Variants in CMIP observed in about 807,000 individuals in gnomAD.
CMIP encodes C-Maf-inducing protein.
A neutral mutation model predicts 97.3 loss-of-function variants in CMIP; 13 were observed. The ratio of observed to expected loss-of-function variants is 0.13; its 90% CI spans 0.09 to 0.21. CMIP has a LOEUF of 0.21. Ranked by LOEUF, CMIP falls within the 10% of genes least tolerant of loss-of-function variation. CMIP has a pLI of 1.00. For missense variants in CMIP, 847 were observed against 1,024.9 expected, an observed-to-expected ratio of 0.83 and a Z score of 2.37; for synonymous variants, 538 against 436.3, an observed-to-expected ratio of 1.23 and a Z score of -2.91.
In CMIP at chr16:81,586,306, C is replaced by T. The variant is rs556647335; in HGVS notation, c.301-21261C>T. Among the ~76,000 whole-genome samples, 11 of 152,194 alleles carry T rather than the reference C, an allele frequency of 7.2e-5. No homozygotes were observed. In the East Asian group the frequency reaches 1.5e-3, roughly 21 times the overall value. The stretch of plus-strand genomic sequence containing the variant: ...ATAACACAGTTTACTGTAGTAGAGG[C>T]GTGATGCATCTCTTCTTGCATTGGA... On this transcript the variant is annotated intron_variant, in intron 1 of 20. Transcript: ENST00000537098.
At chr16:81,518,833 C>CTCT (rs1246871426) in intron 1 of CMIP, 1 of 116,514 alleles carries the variant, frequency 8.6e-6, no homozygotes, top group Admixed American at 1.0e-4. Flanking sequence ...ACCTGCATCT[C>CTCT]TATTTTTTTT....
At chr16:81,582,111 C>G (rs944857585) in intron 1 of CMIP, among the ~76,000 whole-genome samples, 1 of 152,118 alleles carries the variant, frequency 6.6e-6, no homozygotes, top group Admixed American at 6.5e-5. Flanking sequence ...AACTCACTAT[C>G]ACGCCAACAA....
intron 11 of CMIP, 84 bp downstream of exon 11, chr16:81,691,924 C>A: frequency 1.7e-6 from 2 of 1,204,100 alleles, no homozygotes; most frequent in South Asian, 2.5e-5. Flanking sequence ...GGGGGCCAGT[C>A]ATGTTATGGG....
intron 3 of CMIP, among the ~76,000 whole-genome samples, chr16:81,651,642 G>T (rs1405185738): frequency 3.9e-5 from 6 of 152,210 alleles, no homozygotes; most frequent in Non-Finnish European, 8.8e-5. Context: ...AAGCCCCTTT[G>T]TGGACTGACC....
chr16:81,571,587 CAAAAAAAA>C (rs397854647), intron 1 of CMIP, among the ~76,000 whole-genome samples: 24 of 87,478 alleles, frequency 2.7e-4, no homozygotes, highest in Admixed American at 1.1e-3. Context: ...TCATCTCTAC[CAAAAAAAA>C]AAAAAAAAAA....
At chr16:81,579,196 T>A (rs2091253999) in intron 1 of CMIP, among the ~76,000 whole-genome samples, 1 of 152,194 alleles carries the variant, frequency 6.6e-6, no homozygotes, top group African/African-American at 2.4e-5. Flanking sequence ...AAGGGGTTAC[T>A]TCTTAACAAT....
At position 81,614,179 on chromosome 16, in the gene CMIP, G is replaced by T. The variant is rs1462036702; in HGVS notation, c.426+6487G>T. ...TCCAGCGGGCAGCGGAGAGAAGGGG[G>T]TGACAGCAGAATGTTCCTGGTGGGG... On this transcript the variant is annotated intron_variant, in intron 2 of 20. Transcript: ENST00000537098. This position sits in a 1 kb window ranked among gnomAD's most constrained non-coding sequence, Gnocchi z 5.3. 6.6e-6 allele frequency among the ~76,000 whole-genome samples: 1 copy of T among 152,180 alleles called. No individual in the cohort carries two copies. The highest frequency in any genetic ancestry group is 1.5e-5 in the Non-Finnish European group (1 of 68,028).
intron 10 of CMIP, among the ~76,000 whole-genome samples, chr16:81,687,894 C>T (rs1905590338): frequency 6.6e-6 from 1 of 152,188 alleles, no homozygotes; most frequent in African/African-American, 2.4e-5. Context: ...GTATCACAGC[C>T]CTGTGGTCAC....
At chr16:81,482,625 C>A (rs571958489) in intron 1 of CMIP, among the ~76,000 whole-genome samples, 1 of 152,288 alleles carries the variant, frequency 6.6e-6, no homozygotes, top group Admixed American at 6.5e-5. Flanking sequence ...CCCTGCCCCT[C>A]CCCCACCTAG....
intron 1 of CMIP, among the ~76,000 whole-genome samples, chr16:81,535,958 A>G (rs922600911): frequency 2.6e-5 from 4 of 152,148 alleles, no homozygotes; most frequent in Non-Finnish European, 5.9e-5. Context: ...CCTCCCAGAG[A>G]GAGTCGTGTC....
chr16:81,468,718 G>C (rs1298352549), intron 1 of CMIP, among the ~76,000 whole-genome samples: 1 of 152,260 alleles, frequency 6.6e-6, no homozygotes, highest in East Asian at 1.9e-4. Flanking sequence ...GCACTCGTGG[G>C]AAGCAGCAGG....
chr16:81,456,687 T>G (rs1567524947), intron 1 of CMIP, among the ~76,000 whole-genome samples: 1 of 152,082 alleles, frequency 6.6e-6, no homozygotes, highest in East Asian at 1.9e-4. Flanking sequence ...GGAGCGAGGA[T>G]TTGACCCCAG....
intron 1 of CMIP, among the ~76,000 whole-genome samples, chr16:81,589,047 C>T (rs187015279): frequency 2.6e-4 from 39 of 152,092 alleles, no homozygotes; most frequent in African/African-American, 7.7e-4. Flanking sequence ...AAACATATTC[C>T]GGTGCTCAGA....
chr16:81,533,035 G>C (rs2925983), intron 1 of CMIP, among the ~76,000 whole-genome samples: 50,551 of 151,958 alleles, frequency 0.33, 8,570 homozygotes, highest in East Asian at 0.45. Context: ...CCTGTCTCCT[G>C]TCAGAAGTCA....
At chr16:81,597,087 G>T (rs1160535712) in intron 1 of CMIP, among the ~76,000 whole-genome samples, 2 of 152,038 alleles carry the variant, frequency 1.3e-5, no homozygotes, top group African/African-American at 4.8e-5. Flanking sequence ...TCTAGTTTGG[G>T]CTACCTAATG....
intron 9 of CMIP, among the ~76,000 whole-genome samples, chr16:81,673,110 C>G (rs887602779): frequency 6.6e-6 from 1 of 152,192 alleles, no homozygotes; most frequent in Non-Finnish European, 1.5e-5. Flanking sequence ...GCTTTGGAGC[C>G]TCCAAAAGGA....
At chr16:81,579,346 C>G (rs2091256720) in intron 1 of CMIP, among the ~76,000 whole-genome samples, 1 of 152,164 alleles carries the variant, frequency 6.6e-6, no homozygotes, top group African/African-American at 2.4e-5. Flanking sequence ...ACTCTTTGGC[C>G]CTAGCTCTGC....
At chr16:81,662,327 C>A (rs1270264047) in intron 6 of CMIP, among the ~76,000 whole-genome samples, 1 of 152,314 alleles carries the variant, frequency 6.6e-6, no homozygotes, top group African/African-American at 2.4e-5. Flanking sequence ...GTGTTTCCTA[C>A]CTGAGGCTTC....
intron 6 of CMIP, among the ~76,000 whole-genome samples, chr16:81,663,217 C>T (rs1459291313): frequency 6.6e-6 from 1 of 151,816 alleles, no homozygotes; most frequent in African/African-American, 2.4e-5. Flanking sequence ...TTCATGACTA[C>T]CAGAACGTGG....
Sources: allele counts gnomAD v4.1 joint callset (sites outside exome capture counted in the v4.1 genomes callset), GRCh38; gene constraint gnomAD v4.1.1; non-coding constraint Gnocchi (gnomAD v3.1); transcripts MANE v1.5; gene names NCBI Gene and HGNC (gene_info 2026-07-23, HGNC 2026-07-21).